PDCD5: variants seen among roughly 807,000 people sequenced by gnomAD.
PDCD5 encodes programmed cell death 5.
A neutral mutation model predicts 21.9 loss-of-function variants in PDCD5; 23 were observed. The ratio of observed to expected loss-of-function variants is 1.05; its 90% CI spans 0.76 to 1.49. The LOEUF is 1.49. PDCD5 is among the 40% of genes most tolerant of loss of function. The pLI is 0.00. For synonymous variants in PDCD5, 45 were observed against 49.4 expected, an observed-to-expected ratio of 0.91 and a Z score of 0.37; for missense variants, 152 against 147.7, an observed-to-expected ratio of 1.03 and a Z score of -0.15.
In PDCD5 at chr19:32,582,169, ATTAAAT is replaced by A. The variant is rs778724900; in HGVS notation, c.67-21_67-16del. 4 of 1,577,132 alleles carry A rather than the reference ATTAAAT, an allele frequency of 2.5e-6. No individual in the cohort carries two copies. Among genetic ancestry groups the A allele is most frequent in the Admixed American group, 1.7e-5 (1 of 59,230 alleles). On this transcript the variant is annotated intron_variant, in intron 1 of 5. Coordinates refer to ENST00000590247, the MANE Select transcript of PDCD5 (RefSeq NM_004708.4). ...CCGCCGCCTCCCGTGAAATTTCTCT[ATTAAAT>A]TTAAGTTTTTTTTTTCCAGGATCCT... is the stretch of plus-strand genomic sequence containing the variant.
intron 4 of PDCD5, chr19:32,586,193 G>C: frequency 6.9e-7 from 1 of 1,446,470 alleles, no homozygotes; most frequent in Non-Finnish European, 9.0e-7. Flanking sequence ...AGCAAGGTTT[G>C]TCAGTAACAC....
chr19:32,587,410 G>A lies in PDCD5; in HGVS notation c.*110G>A. On this transcript the variant is annotated 3_prime_UTR_variant, in exon 6 of 6. Coordinates refer to ENST00000590247, the MANE Select transcript of PDCD5 (RefSeq NM_004708.4). ...ATATGCCTTTTAAAAAAATAAACTT[G>A]TTATGCAAAATAAAACATTTGGGTA... The A allele has an allele frequency of 1.5e-6, 1 of 675,784 alleles. No homozygotes were observed. Among genetic ancestry groups the A allele is most frequent in the Non-Finnish European group, 2.4e-6 (1 of 413,946 alleles). 41.9% of individuals were successfully genotyped at this position (675,784 alleles called of 1,614,324 possible). A position where few individuals can be genotyped will look rare whatever the true frequency, so the allele number is the denominator to read the frequency against.
chr19:32,585,666 C>T, intron 3 of PDCD5, 150 bp from the exon 4 acceptor site: 1 of 608,430 alleles, frequency 1.6e-6, no homozygotes, highest in Non-Finnish European at 2.9e-6. Context: ...TCAGTTTTCT[C>T]ATTTTTAAGA....
chr19:32,583,320 C>T (rs893941926), intron 2 of PDCD5, among the ~76,000 whole-genome samples: 2 of 152,056 alleles, frequency 1.3e-5, no homozygotes, highest in African/African-American at 4.8e-5. Context: ...GAATGTTGCT[C>T]TTTGATACCC....
chr19:32,586,486 C>T, intron 4 of PDCD5: 1 of 1,100,828 alleles, frequency 9.1e-7, no homozygotes, highest in Non-Finnish European at 1.1e-6. Flanking sequence ...TTACCTCCTT[C>T]AAGGGGATGT....
At chr19:32,582,705 TTAAA>T (rs1341315928) in intron 2 of PDCD5, among the ~76,000 whole-genome samples, 1 of 152,234 alleles carries the variant, frequency 6.6e-6, no homozygotes, top group African/African-American at 2.4e-5. Flanking sequence ...AAAATTGTGG[TTAAA>T]TAAAATTTCA....
At chr19:32,582,074 A>C in intron 1 of PDCD5, 121 bp from the exon 2 acceptor site, 1 of 706,480 alleles carries the variant, frequency 1.4e-6, no homozygotes, top group East Asian at 2.7e-5. Context: ...CCAGTTTCTT[A>C]TTTGGGGAGT....
intron 4 of PDCD5, chr19:32,586,305 G>T: frequency 1.5e-6 from 2 of 1,345,904 alleles, no homozygotes; most frequent in Non-Finnish European, 1.9e-6. Context: ...TACCATGAGG[G>T]GTATGTTGTG....
Position 32,583,022 on chromosome 19 carries a change from C to T in PDCD5, c.104+790C>T, listed in dbSNP as rs373641781. Among the ~76,000 whole-genome samples the T allele has an allele frequency of 3.9e-5, 6 of 152,192 alleles. No homozygotes were observed. In the East Asian group the frequency reaches 1.2e-3, roughly 29 times the overall value. ...TCTGCCGTGTACATCTTTTCATTGT[C>T]ACATATCTGAAATCAGGATGCCTTT... On this transcript the variant is annotated intron_variant, in intron 2 of 5. Coordinates refer to ENST00000590247, the MANE Select transcript of PDCD5 (RefSeq NM_004708.4).
At chr19:32,585,938 T>G in intron 4 of PDCD5, 31 bp downstream of exon 4, 2 of 1,614,032 alleles carry the variant, frequency 1.2e-6, no homozygotes, top group Non-Finnish European at 1.7e-6. Flanking sequence ...GGAACTTTAC[T>G]GTTACCTGCT....
intron 4 of PDCD5, chr19:32,586,466 C>T (rs1971477347): frequency 4.5e-6 from 5 of 1,099,728 alleles, no homozygotes; most frequent in Admixed American, 4.7e-5. Flanking sequence ...TGATCTTTTC[C>T]GAGTGTGACT....
chr19:32,586,387 C>A, intron 4 of PDCD5: 1 of 1,201,276 alleles, frequency 8.3e-7, no homozygotes, highest in Non-Finnish European at 1.0e-6. Context: ...CCACAGCCTA[C>A]CCGAATTGGT....
At chr19:32,586,483 C>T in intron 4 of PDCD5, 1 of 1,100,672 alleles carries the variant, frequency 9.1e-7, no homozygotes, top group South Asian at 3.0e-5. Context: ...GACTTACCTC[C>T]TTCAAGGGGA....
chr19:32,583,548 A>G (rs552698093), intron 2 of PDCD5, among the ~76,000 whole-genome samples: 1 of 151,272 alleles, frequency 6.6e-6, no homozygotes, highest in East Asian at 2.0e-4. Flanking sequence ...CTCCCGAGAA[A>G]CCCCAGTTTT....
At position 32,587,349 on chromosome 19, in the gene PDCD5, A is replaced by G; in HGVS notation, c.*49A>G. The G allele has an allele frequency of 7.9e-7, 1 of 1,266,836 alleles. No individual in the cohort carries two copies. The highest frequency in any genetic ancestry group is 1.1e-6 in the Non-Finnish European group (1 of 876,732). The allele number at this position is 1,266,836 out of a possible 1,614,324, so 78.5% of individuals were successfully genotyped here. On this transcript the variant is annotated 3_prime_UTR_variant, in exon 6 of 6. Transcript: ENST00000590247. ...ACTTAACGGAACAAGTCTAGGACAG[A>G]AGTTAAGATCTGATTATTTACTTTG...
intron 5 of PDCD5, 67 bp downstream of exon 5, chr19:32,586,996 C>G (rs1045439932): frequency 1.8e-5 from 23 of 1,257,466 alleles, no homozygotes; most frequent in Middle Eastern, 3.8e-4. Context: ...GTTGAGTATA[C>G]ATCTACCACA....
intron 3 of PDCD5, 147 bp from the exon 4 acceptor site, chr19:32,585,669 T>G (rs1294959920): frequency 1.6e-6 from 1 of 610,906 alleles, no homozygotes; most frequent in Non-Finnish European, 2.9e-6. Flanking sequence ...GTTTTCTCAT[T>G]TTTAAGAGGA....
chr19:32,586,458 A>T, intron 4 of PDCD5: 1 of 1,106,354 alleles, frequency 9.0e-7, no homozygotes, highest in Non-Finnish European at 1.1e-6. Context: ...GGTTGGGTTG[A>T]TCTTTTCCGA....
At chr19:32,586,566 A>G in intron 4 of PDCD5, 1 of 1,144,404 alleles carries the variant, frequency 8.7e-7, no homozygotes, top group Non-Finnish European at 1.1e-6. Context: ...TGGTTGTCAC[A>G]CTCAGCTAGT....
Sources: gnomAD v4.1 joint callset for allele counts (sites outside exome capture counted in the v4.1 genomes callset) on GRCh38, gnomAD v4.1.1 for gene constraint, MANE v1.5 for transcripts, NCBI Gene and HGNC (gene_info 2026-07-23, HGNC 2026-07-21) for gene names.